DENND5A: variants seen among roughly 807,000 people sequenced by gnomAD.
DENND5A encodes DENN domain containing 5A, also known as DENN domain-containing protein 5A.
In DENND5A, 64 loss-of-function variants were observed where a neutral mutation model predicts 140.3. The ratio of observed to expected loss-of-function variants is 0.46; its 90% CI spans 0.37 to 0.56. The LOEUF (loss-of-function observed/expected upper bound fraction) is 0.56. Ranked by LOEUF, DENND5A falls within the 20% of genes least tolerant of loss-of-function variation. The pLI is 0.00. For synonymous variants in DENND5A, 605 were observed against 607.7 expected, an observed-to-expected ratio of 1.00 and a Z score of 0.07; for missense variants, 1,292 against 1,593.8, an observed-to-expected ratio of 0.81 and a Z score of 3.22.
At chr11:9,146,231 A>G (rs143737191) in intron 16 of DENND5A, among the ~76,000 whole-genome samples, 1 of 152,332 alleles carries the variant, frequency 6.6e-6, no homozygotes, top group East Asian at 1.9e-4. Context: ...TTTCCAAGGC[A>G]CAGAGAAAGA....
chr11:9,259,846 T>C (rs886498734), intron 1 of DENND5A, among the ~76,000 whole-genome samples: 1 of 151,974 alleles, frequency 6.6e-6, no homozygotes, highest in African/African-American at 2.4e-5. Flanking sequence ...CTGACCAACA[T>C]GGCGAAATCC....
At chr11:9,176,190 G>A (rs574757853) in intron 8 of DENND5A, among the ~76,000 whole-genome samples, 28 of 152,304 alleles carry the variant, frequency 1.8e-4, no homozygotes, top group African/African-American at 6.3e-4. Flanking sequence ...ACTAGAAAAT[G>A]TAAGACTTTG....
chr11:9,195,271 G>A (rs1849284315), intron 4 of DENND5A, among the ~76,000 whole-genome samples: 1 of 150,022 alleles, frequency 6.7e-6, no homozygotes, highest in Admixed American at 6.7e-5. Context: ...GTAGAGACAA[G>A]GTTTCTCCAT....
intron 10 of DENND5A, among the ~76,000 whole-genome samples, chr11:9,166,529 T>A (rs1848198215): frequency 6.6e-6 from 1 of 152,166 alleles, no homozygotes; most frequent in African/African-American, 2.4e-5. Flanking sequence ...ATAATTACCT[T>A]TGATTTAAAG....
Position 9,147,092 on chromosome 11 carries a change from T to C in DENND5A, c.2795A>G (p.Tyr932Cys), listed in dbSNP as rs768741195. 1.4e-5 allele frequency: 23 copies of C among 1,613,914 alleles called. No homozygotes were observed. The highest frequency in any genetic ancestry group is 6.7e-5 in the East Asian group (3 of 44,892). Residue 932 changes from tyrosine (Y) to cysteine (C), a missense_variant, in exon 16 of 23, where the codon TAT becomes TGT. Coordinates refer to ENST00000328194, the MANE Select transcript of DENND5A (RefSeq NM_015213.4). ...GACGGCATTGAAAGACAGGAGGTGA[T>C]AGAGGAACTGCTCCTTCTCGTCATC... Reference protein sequence around the residue: ...RCDDEKEQFLYHLLSFNAVDY... With the variant: ...RCDDEKEQFLCHLLSFNAVDY...
At chr11:9,223,048 G>C (rs1316028253) in intron 1 of DENND5A, among the ~76,000 whole-genome samples, 2 of 152,206 alleles carry the variant, frequency 1.3e-5, no homozygotes, top group Admixed American at 1.3e-4. Context: ...AAGAGTTCTT[G>C]ATTGTAGAAT....
chr11:9,149,654 C>T (rs1425948566), intron 15 of DENND5A, among the ~76,000 whole-genome samples: 2 of 152,102 alleles, frequency 1.3e-5, no homozygotes, highest in Non-Finnish European at 2.9e-5. Flanking sequence ...ACAGACATCC[C>T]GAGAGGGGTG....
chr11:9,142,216 T>C, intron 21 of DENND5A, 108 bp from the exon 22 acceptor site: 1 of 823,608 alleles, frequency 1.2e-6, no homozygotes, highest in Non-Finnish European at 1.9e-6. Flanking sequence ...GGTAACTTAA[T>C]GAGAATAGCA....
intron 1 of DENND5A, among the ~76,000 whole-genome samples, chr11:9,223,341 C>T (rs141709115): frequency 6.6e-6 from 1 of 151,766 alleles, no homozygotes; most frequent in Non-Finnish European, 1.5e-5. Context: ...GAGTTTAAGA[C>T]CAGCCTGGCC....
intron 16 of DENND5A, 23 bp downstream of exon 16, chr11:9,146,989 ACTGCCTTGAGAAGGCCAG>A: frequency 6.2e-7 from 1 of 1,609,718 alleles, no homozygotes; most frequent in South Asian, 1.1e-5. Context: ...GTTCATAAAG[ACTGCCTTGAGAAGGCCAG>A]CTGGGAGCAC....
intron 1 of DENND5A, among the ~76,000 whole-genome samples, chr11:9,244,479 C>T (rs1247022378): frequency 6.6e-6 from 1 of 152,176 alleles, no homozygotes; most frequent in East Asian, 1.9e-4. Flanking sequence ...AAGTGATTCT[C>T]CTGCCTCAGT....
intron 1 of DENND5A, among the ~76,000 whole-genome samples, chr11:9,259,663 C>G (rs537696547): frequency 4.7e-4 from 71 of 152,246 alleles, no homozygotes; most frequent in African/African-American, 1.6e-3. Context: ...CCTGCCTCAG[C>G]CTCCCAGACT....
chr11:9,174,011 G>A (rs1446506999), intron 8 of DENND5A, among the ~76,000 whole-genome samples: 1 of 143,732 alleles, frequency 7.0e-6, no homozygotes, highest in Non-Finnish European at 1.5e-5. Context: ...GCTGAGGCAG[G>A]AGAATGGCGT....
chr11:9,258,982 T>C (rs1372340250), intron 1 of DENND5A, among the ~76,000 whole-genome samples: 1 of 152,050 alleles, frequency 6.6e-6, no homozygotes, highest in Non-Finnish European at 1.5e-5. Context: ...GGTATTAGGC[T>C]GGGCGCAGTG....
At chr11:9,141,472 T>C (rs887834651) in intron 22 of DENND5A, among the ~76,000 whole-genome samples, 3 of 152,208 alleles carry the variant, frequency 2.0e-5, no homozygotes, top group Non-Finnish European at 4.4e-5. Flanking sequence ...TAGAGCCTAC[T>C]ATATGTCTAG....
intron 1 of DENND5A, among the ~76,000 whole-genome samples, chr11:9,245,014 G>A (rs997297037): frequency 7.3e-5 from 11 of 151,610 alleles, no homozygotes; most frequent in African/African-American, 2.2e-4. Flanking sequence ...GCCGGGTGCG[G>A]TGGCTCATGC....
chr11:9,228,045 G>A (rs964467812), intron 1 of DENND5A, among the ~76,000 whole-genome samples: 27 of 149,592 alleles, frequency 1.8e-4, no homozygotes, highest in Admixed American at 3.3e-4. Context: ...CCCAGGAGGC[G>A]GAGGTTGCAG....
rs774550898 is a variant in DENND5A at position 9,203,875 on chromosome 11, T to C, written c.734A>G (p.Tyr245Cys). The C allele has an allele frequency of 1.1e-5, 17 of 1,613,980 alleles. No individual in the cohort carries two copies. Among genetic ancestry groups the C allele is most frequent in the Non-Finnish European group, 1.4e-5 (16 of 1,180,020 alleles). ...GAGCGGCACCTCGTAGAGTACGTTGTATATGTAGCTCTCAAGGGGCAGTGG... is the reference window on the plus strand; with the variant it reads ...GAGCGGCACCTCGTAGAGTACGTTGCATATGTAGCTCTCAAGGGGCAGTGG... ...PPPLPLESYI[Y>C]NVLYEVPLPP... Residue 245 changes from tyrosine (Y) to cysteine (C), a missense_variant, in exon 4 of 23, where the codon TAC becomes TGC. Coordinates refer to ENST00000328194, the MANE Select transcript of DENND5A (RefSeq NM_015213.4).
chr11:9,140,217 C>A (rs1179499187), intron 22 of DENND5A: 1 of 1,323,568 alleles, frequency 7.6e-7, no homozygotes, highest in African/African-American at 1.5e-5. Flanking sequence ...TGTGCTGGCA[C>A]TGACATAAGA....
Sources: gnomAD v4.1 joint callset for allele counts (sites outside exome capture counted in the v4.1 genomes callset) on GRCh38, gnomAD v4.1.1 for gene constraint, MANE v1.5 for transcripts, NCBI Gene and HGNC (gene_info 2026-07-23, HGNC 2026-07-21) for gene names.